The following DOCK5 variants were observed in gnomAD, a reference collection of about 807,000 sequenced individuals.
DOCK5 encodes dedicator of cytokinesis 5.
DOCK5 carries 142 observed loss-of-function variants against 251.8 expected under a neutral mutation model. The ratio of observed to expected loss-of-function variants is 0.56; its 90% CI spans 0.49 to 0.65. DOCK5 has a LOEUF of 0.65. Ranked by LOEUF, DOCK5 falls within the 30% of genes least tolerant of loss-of-function variation. DOCK5 has a pLI of 0.00. For missense variants in DOCK5, 2,111 were observed against 2,312.3 expected, an observed-to-expected ratio of 0.91 and a Z score of 1.79; for synonymous variants, 842 against 835.5, an observed-to-expected ratio of 1.01 and a Z score of -0.13.
intron 1 of DOCK5, among the ~76,000 whole-genome samples, chr8:25,202,746 G>A (rs900715344): frequency 6.6e-6 from 1 of 152,040 alleles, no homozygotes; most frequent in African/African-American, 2.4e-5. Context: ...ACAGTAAGAG[G>A]TTATCAACAA....
Position 25,351,780 on chromosome 8 carries a change from G to A in DOCK5, c.2804G>A (p.Arg935Lys). Residue 935 changes from arginine to lysine, a missense_variant, in exon 27 of 52, where the codon AGG (arginine) becomes AAG (lysine). Arg to Lys is a conservative substitution (Grantham distance 26). This residue lies in a region of DOCK5 where 1,717 missense variants were observed against 1,892.4 expected (regional missense o/e 0.91). Transcript: ENST00000276440. ...CTTATAATGGAACGGCTGCTGAGAAGGATCAACCGGACAGTGATTGGGATG... is the reference window on the plus strand; with the variant it reads ...CTTATAATGGAACGGCTGCTGAGAAAGATCAACCGGACAGTGATTGGGATG... Reference protein sequence around the residue: ...IQLIMERLLRRINRTVIGMNR... With the variant: ...IQLIMERLLRKINRTVIGMNR... 1.9e-6 allele frequency: 3 copies of A among 1,613,910 alleles called. No individual in the cohort carries two copies. The highest frequency in any genetic ancestry group is 2.5e-6 in the Non-Finnish European group (3 of 1,179,858).
chr8:25,386,707 G>A (rs150441730), intron 40 of DOCK5, among the ~76,000 whole-genome samples: 6 of 152,230 alleles, frequency 3.9e-5, no homozygotes, highest in East Asian at 1.9e-4. Flanking sequence ...TGCCATAGCC[G>A]TTACATATGC....
At chr8:25,296,488 C>G (rs1239134592) in intron 6 of DOCK5, 25 bp from the exon 7 acceptor site, 2 of 1,598,294 alleles carry the variant, frequency 1.3e-6, no homozygotes, top group Non-Finnish European at 1.7e-6. Context: ...TGAGGAGAAC[C>G]AGCTGACTAC....
Position 25,411,183 on chromosome 8 carries a change from T to C in DOCK5, c.5509-11T>C. On this transcript the variant is annotated splice_polypyrimidine_tract_variant and intron_variant, in intron 51 of 51. Transcript: ENST00000276440. The stretch of plus-strand genomic sequence containing the variant: ...AGACCTGCTTCTAATTTTGTGTTTC[T>C]GCTTCTGCAGCTCGCTCCCCCACTG... 6.5e-7 allele frequency: 1 copy of C among 1,547,652 alleles called. No homozygotes were observed. The highest frequency in any genetic ancestry group is 8.7e-7 in the Non-Finnish European group (1 of 1,150,106).
chr8:25,220,515 A>T (rs1193679921), intron 1 of DOCK5, among the ~76,000 whole-genome samples: 1 of 151,670 alleles, frequency 6.6e-6, no homozygotes, highest in Non-Finnish European at 1.5e-5. Flanking sequence ...CTGCAGCAGG[A>T]GGGGCTGGGG....
Position 25,243,721 on chromosome 8 carries a change from A to T in DOCK5, c.91A>T (p.Ile31Phe), listed in dbSNP as rs1164525309. 7 of 1,613,670 alleles carry T rather than the reference A, an allele frequency of 4.3e-6. No homozygotes were observed. The highest frequency in any genetic ancestry group is 5.9e-6 in the Non-Finnish European group (7 of 1,179,768). ...ASQDVELSLQ[I>F]GDTVHILEMY... Reference sequence around the variant, plus strand: ...TCAAGATGTGGAGCTCTCCTTGCAGATCGGTGACACAGTTCACATCCTGGA... The same window carrying T: ...TCAAGATGTGGAGCTCTCCTTGCAGTTCGGTGACACAGTTCACATCCTGGA... Residue 31 changes from isoleucine (I) to phenylalanine (F), a missense_variant, in exon 2 of 52, where the codon ATC (isoleucine) becomes TTC (phenylalanine). Ile to Phe is a conservative substitution (Grantham distance 21, BLOSUM62 0). Coordinates refer to ENST00000276440, the MANE Select transcript of DOCK5 (RefSeq NM_024940.8).
intron 40 of DOCK5, among the ~76,000 whole-genome samples, chr8:25,384,470 T>TATTTACTTA (rs57938985): frequency 1.5e-5 from 2 of 131,748 alleles, no homozygotes; most frequent in Non-Finnish European, 3.2e-5. Context: ...TTTATTTTTT[T>TATTTACTTA]TTTTTTTGAG....
rs148924322 is a variant in DOCK5, at chr8:25,203,699, G to T, written c.43+18748G>T. The stretch of plus-strand genomic sequence containing the variant: ...CAGGAAAAGAGAGAGCCTCTCATTT[G>T]TGGCCCAAAAGACTCAATTTTAAAG... On this transcript the variant is annotated intron_variant, in intron 1 of 51. Coordinates refer to ENST00000276440, the MANE Select transcript of DOCK5 (RefSeq NM_024940.8). Among the ~76,000 whole-genome samples, 770 of 152,326 alleles carry T rather than the reference G, an allele frequency of 5.1e-3. 7 individuals are homozygous for T. Among genetic ancestry groups the T allele is most frequent in the African/African-American group, 0.017 (719 of 41,568 alleles).
At chr8:25,332,031 T>TA (rs1167141605) in intron 18 of DOCK5, among the ~76,000 whole-genome samples, 1 of 152,202 alleles carries the variant, frequency 6.6e-6, no homozygotes, top group Non-Finnish European at 1.5e-5. Context: ...TCTAAGTTCT[T>TA]ATGCATTAAT....
intron 2 of DOCK5, among the ~76,000 whole-genome samples, chr8:25,266,802 T>C (rs1563331146): frequency 6.7e-6 from 1 of 149,932 alleles, no homozygotes; most frequent in South Asian, 2.1e-4. Flanking sequence ...AGGTAGGGCT[T>C]ACACACACAC....
At chr8:25,286,657 CTTTT>C (rs1359285168) in intron 5 of DOCK5, among the ~76,000 whole-genome samples, 4 of 151,496 alleles carry the variant, frequency 2.6e-5, no homozygotes, top group Non-Finnish European at 5.9e-5. Flanking sequence ...TTGTTTTTCT[CTTTT>C]TTGTTTTTTT....
At chr8:25,248,626 G>A (rs571059998) in intron 2 of DOCK5, among the ~76,000 whole-genome samples, 5 of 151,636 alleles carry the variant, frequency 3.3e-5, no homozygotes, top group South Asian at 4.2e-4. Flanking sequence ...TCTGCCCACC[G>A]CCCGGGACAG....
chr8:25,352,758 C>G (rs1396106147), intron 27 of DOCK5, among the ~76,000 whole-genome samples: 2 of 152,154 alleles, frequency 1.3e-5, no homozygotes, highest in Non-Finnish European at 2.9e-5. Flanking sequence ...GAGGAGCTGA[C>G]ATTCCAACAA....
intron 26 of DOCK5, among the ~76,000 whole-genome samples, chr8:25,350,795 C>G (rs78616523): frequency 2.0e-5 from 3 of 152,106 alleles, no homozygotes; most frequent in Admixed American, 6.6e-5. Context: ...GCATTTATCC[C>G]GTCAGTCCAG....
intron 25 of DOCK5, among the ~76,000 whole-genome samples, chr8:25,344,584 C>A (rs891175759): frequency 6.6e-6 from 1 of 152,132 alleles, no homozygotes; most frequent in African/African-American, 2.4e-5. Flanking sequence ...TGAGCTAGAT[C>A]GTATCAGTAG....
intron 27 of DOCK5, among the ~76,000 whole-genome samples, chr8:25,358,087 C>T (rs559601161): frequency 3.9e-5 from 6 of 152,056 alleles, no homozygotes; most frequent in African/African-American, 9.7e-5. Context: ...GTTGGAGAAG[C>T]GGTATCAGGT....
Position 25,212,036 on chromosome 8 carries a change from C to T in DOCK5, c.43+27085C>T, listed in dbSNP as rs1167349326. Among the ~76,000 whole-genome samples, 2 of 66,794 alleles carry T rather than the reference C, an allele frequency of 3.0e-5. 1 individual carries two copies. Among genetic ancestry groups the T allele is most frequent in the Admixed American group, 3.4e-4 (2 of 5,934 alleles). The allele number at this position is 66,794 out of a possible 152,430, so 43.8% of individuals were successfully genotyped here. On this transcript the variant is annotated intron_variant, in intron 1 of 51. Coordinates refer to ENST00000276440, the MANE Select transcript of DOCK5 (RefSeq NM_024940.8). ...ATTAGCCAGGCATGGTGGCGGGCACCTGTAGTTCCAGCTACTCTGGAGGCT... is the reference window on the plus strand; with the variant it reads ...ATTAGCCAGGCATGGTGGCGGGCACTTGTAGTTCCAGCTACTCTGGAGGCT...
At chr8:25,311,223 T>C (rs1805084818) in intron 13 of DOCK5, among the ~76,000 whole-genome samples, 1 of 152,148 alleles carries the variant, frequency 6.6e-6, no homozygotes. Context: ...TATAAACTAA[T>C]TGATATTAAT....
chr8:25,340,438 TTTGGGAC>T (rs1805924655), intron 22 of DOCK5, among the ~76,000 whole-genome samples: 1 of 152,280 alleles, frequency 6.6e-6, no homozygotes, highest in Non-Finnish European at 1.5e-5. Context: ...TGCACTTTCA[TTTGGGAC>T]TTTTGTGTGT....
Sources: gnomAD v4.1 joint callset for allele counts (sites outside exome capture counted in the v4.1 genomes callset) on GRCh38, gnomAD v4.1.1 for gene constraint, gnomAD v4.1.1 regional missense constraint, MANE v1.5 for transcripts, NCBI Gene and HGNC (gene_info 2026-07-23, HGNC 2026-07-21) for gene names.